Variants in IQGAP2 observed in about 807,000 individuals in gnomAD.
The protein encoded by IQGAP2 is ras GTPase-activating-like protein IQGAP2.
Under a neutral mutation model 201.3 loss-of-function variants are expected in IQGAP2, and 173 were observed. The ratio of observed to expected loss-of-function variants is 0.86; its 90% CI spans 0.76 to 0.98. The LOEUF (loss-of-function observed/expected upper bound fraction) is 0.98, where lower values mean the gene tolerates loss of function less well. Ranked by LOEUF, IQGAP2 falls within the 50% of genes least tolerant of loss-of-function variation. The probability of loss-of-function intolerance (pLI) is 0.00; values close to 1 mark genes in which losing one functional copy is unlikely to be tolerated. For missense variants in IQGAP2, 1,687 were observed against 1,864.8 expected (o/e 0.90, Z 1.76); for synonymous variants, 675 against 673.9 (o/e 1.00, Z -0.03).
intron 5 of IQGAP2, among the ~76,000 whole-genome samples, chr5:76,580,960 T>A (rs1158408144): frequency 1.3e-5 from 2 of 152,266 alleles, no homozygotes; most frequent in East Asian, 3.8e-4. Context: ...TTCTTCTACA[T>A]GGGCAGCCAC....
chr5:76,582,003 CTA>C (rs1745904658), intron 5 of IQGAP2, among the ~76,000 whole-genome samples: 1 of 152,218 alleles, frequency 6.6e-6, no homozygotes, highest in South Asian at 2.1e-4. Flanking sequence ...GAGCTTTTAA[CTA>C]TGTGCCTGGC....
intron 1 of IQGAP2, among the ~76,000 whole-genome samples, chr5:76,425,651 C>T (rs987643852): frequency 6.6e-6 from 1 of 152,082 alleles, no homozygotes; most frequent in Non-Finnish European, 1.5e-5. Flanking sequence ...AAAAAAAAAC[C>T]CACATTAGTT....
intron 3 of IQGAP2, among the ~76,000 whole-genome samples, chr5:76,565,275 T>C (rs1332268958): frequency 1.3e-5 from 2 of 152,104 alleles, no homozygotes; most frequent in African/African-American, 4.8e-5. Flanking sequence ...CTGGAAACCA[T>C]GAATTCAGTG....
intron 30 of IQGAP2, among the ~76,000 whole-genome samples, chr5:76,684,825 A>T (rs1277926236): frequency 6.6e-6 from 1 of 152,142 alleles, no homozygotes; most frequent in African/African-American, 2.4e-5. Context: ...GAATGAAGAC[A>T]GCATTCATCT....
chr5:76,610,124 T>A (rs1338332502), intron 12 of IQGAP2, among the ~76,000 whole-genome samples: 2 of 78,086 alleles, frequency 2.6e-5, no homozygotes, highest in African/African-American at 1.2e-4. Flanking sequence ...ATTTTTTTTT[T>A]TTTTTTTTTT....
intron 21 of IQGAP2, among the ~76,000 whole-genome samples, chr5:76,659,688 C>G (rs902233143): frequency 3.3e-5 from 5 of 152,146 alleles, no homozygotes; most frequent in African/African-American, 9.7e-5. Context: ...AAGGTGAGGG[C>G]AATTATTTAC....
At position 76,533,911 on chromosome 5, in the gene IQGAP2, G is replaced by T. The variant is rs1580398172; in HGVS notation, c.147-28485G>T. On this transcript the variant is annotated intron_variant, in intron 2 of 35. Transcript: ENST00000274364. The stretch of plus-strand genomic sequence containing the variant: ...TATATATTCTGAATACGAACCCTTT[G>T]TTACATAGCAAATATTTTCTCCCAG... 2.6e-5 allele frequency among the ~76,000 whole-genome samples: 4 copies of T among 152,126 alleles called. No homozygotes were observed. In the East Asian group the frequency reaches 7.7e-4, roughly 29 times the overall value.
intron 1 of IQGAP2, among the ~76,000 whole-genome samples, chr5:76,452,883 G>A (rs1053933803): frequency 2.1e-5 from 3 of 140,740 alleles, no homozygotes; most frequent in Non-Finnish European, 3.1e-5. Context: ...TTCGAAAAAT[G>A]TATTTTCCAA....
intron 1 of IQGAP2, among the ~76,000 whole-genome samples, chr5:76,441,872 G>GCA (rs1753062388): frequency 6.6e-6 from 1 of 152,200 alleles, no homozygotes. Flanking sequence ...TGGCACATGT[G>GCA]GAATGAAGTT....
chr5:76,455,391 T>G (rs1379613387), intron 1 of IQGAP2, among the ~76,000 whole-genome samples: 1 of 146,012 alleles, frequency 6.8e-6, no homozygotes, highest in Admixed American at 7.1e-5. Flanking sequence ...AGGCAGAGGT[T>G]GCAGTGAGCC....
intron 2 of IQGAP2, among the ~76,000 whole-genome samples, chr5:76,529,219 A>G (rs914867256): frequency 3.3e-5 from 5 of 150,908 alleles, no homozygotes; most frequent in African/African-American, 9.9e-5. Context: ...GCTTTCACCA[A>G]TGATGTACAT....
At position 76,695,618 on chromosome 5, in the gene IQGAP2, CG is replaced by C; in HGVS notation, c.4159del (p.Val1387CysfsTer39). The C allele has an allele frequency of 6.2e-7, 1 of 1,614,078 alleles. No individual in the cohort carries two copies. The highest frequency in any genetic ancestry group is 8.5e-7 in the Non-Finnish European group (1 of 1,179,996). ...TTCGGACGTTGGAACAGACTGGACA[CG>C]TGTCATCCGAAAATAAATACCAAGA... Reference protein sequence around the residue: ...NLRTLEQTGHVSSENKYQDIL... With the variant: ...NLRTLEQTGHXSSENKYQDIL... On this transcript the variant is annotated frameshift_variant, in exon 32 of 36. Transcript: ENST00000274364. LOFTEE classifies it high-confidence loss of function.
chr5:76,510,091 C>T (rs1208048525), intron 2 of IQGAP2, among the ~76,000 whole-genome samples: 2 of 151,642 alleles, frequency 1.3e-5, no homozygotes, highest in Admixed American at 1.3e-4. Flanking sequence ...ACTCCGCCTC[C>T]TGGATTCAAG....
At chr5:76,560,898 G>A (rs1017885098) in intron 2 of IQGAP2, among the ~76,000 whole-genome samples, 2 of 152,190 alleles carry the variant, frequency 1.3e-5, no homozygotes, top group African/African-American at 4.8e-5. Context: ...TTTGCATATA[G>A]ATACATACCT....
At chr5:76,482,840 G>A (rs544996772) in intron 2 of IQGAP2, among the ~76,000 whole-genome samples, 3 of 152,220 alleles carry the variant, frequency 2.0e-5, no homozygotes, top group Non-Finnish European at 2.9e-5. Context: ...AACCATAGTC[G>A]ATTTATTTTT....
At chr5:76,475,380 C>T (rs919322655) in intron 2 of IQGAP2, among the ~76,000 whole-genome samples, 1 of 152,184 alleles carries the variant, frequency 6.6e-6, no homozygotes, top group Non-Finnish European at 1.5e-5. Flanking sequence ...AGGGATTGAC[C>T]TGCTGGCTCT....
intron 8 of IQGAP2, 121 bp downstream of exon 8, chr5:76,590,707 AC>A (rs1746586092): frequency 1.6e-5 from 12 of 732,678 alleles, no homozygotes; most frequent in Non-Finnish European, 2.4e-5. Context: ...ATAGCCGTAG[AC>A]AATTGATTTG....
At position 76,570,699 on chromosome 5, in the gene IQGAP2, G is replaced by C. The variant is rs1393706224; in HGVS notation, c.381+42G>C. The C allele has an allele frequency of 2.3e-6, 3 of 1,292,830 alleles. No individual in the cohort carries two copies. In the Admixed American group the frequency reaches 5.2e-5, roughly 22 times the overall value. 80.1% of individuals were successfully genotyped at this position (1,292,830 alleles called of 1,614,324 possible). On this transcript the variant is annotated intron_variant, in intron 4 of 35. Coordinates refer to ENST00000274364, the MANE Select transcript of IQGAP2 (RefSeq NM_006633.5). Reference sequence around the variant, plus strand: ...TGGAATCTGAACTAGAAAGGCAAAGGGGTAGTACACAAACATCTCTTTATG... The same window carrying C: ...TGGAATCTGAACTAGAAAGGCAAAGCGGTAGTACACAAACATCTCTTTATG...
intron 4 of IQGAP2, 67 bp downstream of exon 4, chr5:76,570,724 G>C: frequency 1.9e-6 from 2 of 1,045,662 alleles, no homozygotes; most frequent in Non-Finnish European, 3.0e-6. Flanking sequence ...ATCTCTTTAT[G>C]AGCAATGACT....
Sources: allele counts gnomAD v4.1 joint callset (sites outside exome capture counted in the v4.1 genomes callset), GRCh38; gene constraint gnomAD v4.1.1; transcripts MANE v1.5; gene names NCBI Gene and HGNC (gene_info 2026-07-23, HGNC 2026-07-21).